Variants in RC3H1 observed in about 807,000 individuals in gnomAD.
RC3H1 encodes the protein roquin-1.
Under a neutral mutation model 138.2 loss-of-function variants are expected in RC3H1, and 50 were observed. The observed-to-expected ratio is 0.36, with a 90% CI of 0.29 to 0.46. The LOEUF is 0.46. RC3H1 is among the 20% of genes least tolerant of loss of function. The probability of loss-of-function intolerance (pLI) is 1.00; values close to 1 mark genes in which losing one functional copy is unlikely to be tolerated. For missense variants in RC3H1, 1,031 were observed against 1,388.1 expected (o/e 0.74, Z 4.09); for synonymous variants, 462 against 489.1 (o/e 0.94, Z 0.73).
At chr1:173,988,586 T>C (rs1661131822) in intron 2 of RC3H1, among the ~76,000 whole-genome samples, 2 of 152,220 alleles carry the variant, frequency 1.3e-5, no homozygotes, top group African/African-American at 4.8e-5. Context: ...TCAAGTTAAC[T>C]GGGTAAATAC....
intron 15 of RC3H1, among the ~76,000 whole-genome samples, chr1:173,947,082 G>A (rs939873497): frequency 2.0e-5 from 3 of 152,102 alleles, no homozygotes; most frequent in Admixed American, 1.3e-4. Flanking sequence ...CCAAATTACT[G>A]TATAATGAGA....
chr1:173,948,424 AT>A (rs1659229645), intron 14 of RC3H1, among the ~76,000 whole-genome samples: 1 of 151,950 alleles, frequency 6.6e-6, no homozygotes, highest in African/African-American at 2.4e-5. Context: ...ATATATATAT[AT>A]ATAATGACCT....
At chr1:173,984,676 A>C in intron 2 of RC3H1, 57 bp from the exon 3 acceptor site, 1 of 1,569,826 alleles carries the variant, frequency 6.4e-7, no homozygotes, top group Admixed American at 1.9e-5. Flanking sequence ...TGTTTTATTT[A>C]GTATAGTTTA....
intron 2 of RC3H1, among the ~76,000 whole-genome samples, chr1:173,985,143 T>C (rs1660972683): frequency 1.3e-5 from 2 of 152,224 alleles, no homozygotes; most frequent in Admixed American, 1.3e-4. Context: ...CAGTACTTCA[T>C]TCATTTTCAT....
At position 173,933,723 on chromosome 1, in the gene RC3H1, T is replaced by C. The variant is rs1658474012; in HGVS notation, c.*4998A>G. On this transcript the variant is annotated 3_prime_UTR_variant, in exon 20 of 20. Coordinates refer to ENST00000367696, the MANE Select transcript of RC3H1 (RefSeq NM_172071.4). ...ATATAAAAATCATAGCTGTCCAAGG[T>C]AGAAAGGTATGAATGTGGATCAGCA... is the stretch of plus-strand genomic sequence containing the variant. 1 of 152,078 alleles carries C rather than the reference T, an allele frequency of 6.6e-6. No homozygotes were observed. The highest frequency in any genetic ancestry group is 1.5e-5 in the Non-Finnish European group (1 of 68,004). 9.4% of individuals were successfully genotyped at this position (152,078 alleles called of 1,614,324 possible).
At chr1:173,946,210 A>C (rs1461506497) in intron 17 of RC3H1, among the ~76,000 whole-genome samples, 1 of 152,046 alleles carries the variant, frequency 6.6e-6, no homozygotes, top group Non-Finnish European at 1.5e-5. Context: ...ACAAACAAAA[A>C]AAACCTTAAA....
intron 7 of RC3H1, among the ~76,000 whole-genome samples, chr1:173,973,878 G>A (rs1264764569): frequency 6.6e-6 from 1 of 152,184 alleles, no homozygotes; most frequent in African/African-American, 2.4e-5. Flanking sequence ...TATTGTTCTA[G>A]TTGTTGGGTA....
chr1:173,992,689 CACACACACACAGAGAG>C, intron 2 of RC3H1, 50 bp downstream of exon 2: 1 of 1,181,148 alleles, frequency 8.5e-7, no homozygotes, highest in African/African-American at 1.6e-5. Context: ...CACACACACA[CACACACACACAGAGAG>C]AGAGAGAGAG....
In RC3H1 at chr1:173,996,187, G is replaced by A. The variant is rs551060011; in HGVS notation, c.-150-3052C>T. Reference sequence around the variant, plus strand: ...TTGGACTGCTTGAACCCGGGAGGGGGAGGTTGCAGTGAGCCGAAATCACGC... The same window carrying A: ...TTGGACTGCTTGAACCCGGGAGGGGAAGGTTGCAGTGAGCCGAAATCACGC... On this transcript the variant is annotated intron_variant, in intron 1 of 19. Transcript: ENST00000367696. Among the ~76,000 whole-genome samples, 7 of 152,248 alleles carry A rather than the reference G, an allele frequency of 4.6e-5. No homozygotes were observed. The South Asian group carries it at 1.4e-3, about 32-fold the overall frequency.
In RC3H1 at chr1:173,950,091, C is replaced by T. The variant is rs546368465; in HGVS notation, c.2523+1895G>A. Among the ~76,000 whole-genome samples the T allele has an allele frequency of 1.0e-3, 157 of 152,088 alleles. 1 individual carries two copies. Among genetic ancestry groups the T allele is most frequent in the African/African-American group, 3.4e-3 (142 of 41,488 alleles). ...GGCTGAGGCAGGAGAATCACTTGAA[C>T]CCAGAATGCAGAGGTTGTAGTGAGC... is the stretch of plus-strand genomic sequence containing the variant. On this transcript the variant is annotated intron_variant, in intron 14 of 19. Transcript: ENST00000367696.
chr1:173,961,217 G>A lies in RC3H1; in HGVS notation c.2230C>T (p.Pro744Ser). Reference protein sequence around the residue: ...REPPYSRLPPPPQPHPSLDEL... With the variant: ...REPPYSRLPPSPQPHPSLDEL... The stretch of plus-strand genomic sequence containing the variant: ...TCTAGACTAGGATGAGGCTGGGGAG[G>A]AGGAGGAAGCCGGCTATAAGGAGGT... Residue 744 changes from proline to serine, a missense_variant, in exon 13 of 20, where the codon CCT becomes TCT. Around this residue, in one of 7 missense-constraint regions of RC3H1, gnomAD observed 716 missense variants for 837.9 expected, o/e 0.85. Coordinates refer to ENST00000367696, the MANE Select transcript of RC3H1 (RefSeq NM_172071.4). The A allele has an allele frequency of 6.2e-7, 1 of 1,613,416 alleles. No homozygotes were observed. Among genetic ancestry groups the A allele is most frequent in the Non-Finnish European group, 8.5e-7 (1 of 1,179,812 alleles).
intron 10 of RC3H1, 149 bp downstream of exon 10, chr1:173,964,690 A>G: frequency 1.3e-6 from 1 of 747,230 alleles, no homozygotes; most frequent in Non-Finnish European, 2.1e-6. Flanking sequence ...CTTAAAAAAC[A>G]CTAGCATGGG....
chr1:173,980,396 G>A (rs1557940742), intron 6 of RC3H1, among the ~76,000 whole-genome samples: 1 of 150,794 alleles, frequency 6.6e-6, no homozygotes, highest in Non-Finnish European at 1.5e-5. Context: ...ACTTCCCTTT[G>A]TCTTTGTCTA....
intron 1 of RC3H1, among the ~76,000 whole-genome samples, chr1:174,000,225 TA>T: frequency 6.6e-6 from 1 of 152,356 alleles, no homozygotes; most frequent in Non-Finnish European, 1.5e-5. Context: ...ACATAGAAAC[TA>T]TTCGAATCTG....
rs773557053 is a variant in RC3H1 at position 173,962,050 on chromosome 1, C to T, written c.1877G>A (p.Arg626Gln). The T allele has an allele frequency of 6.2e-6, 10 of 1,613,678 alleles. No individual in the cohort carries two copies. Among genetic ancestry groups the T allele is most frequent in the Middle Eastern group, 1.6e-4 (1 of 6,062 alleles). The change falls in exon 12 of 20, where the codon CGA (arginine) becomes CAA (glutamine). Residue 626 changes from arginine (R) to glutamine (Q), a missense_variant. Transcript: ENST00000367696. Reference sequence around the variant, plus strand: ...AGGTTCAGGAGCAGATGGTGGAGGTCGGACAAAGCGGGACACACATTGTGG... The same window carrying T: ...AGGTTCAGGAGCAGATGGTGGAGGTTGGACAAAGCGGGACACACATTGTGG... ...PPPQCVSRFV[R>Q]PPPSAPEPAP...
intron 1 of RC3H1, among the ~76,000 whole-genome samples, chr1:173,998,389 C>A (rs931787986): frequency 2.5e-4 from 38 of 152,146 alleles, no homozygotes; most frequent in African/African-American, 8.9e-4. Flanking sequence ...TAAATAAGGA[C>A]ACCTCTCCTA....
At chr1:174,007,513 G>C (rs1032997250) in intron 1 of RC3H1, among the ~76,000 whole-genome samples, 1 of 152,048 alleles carries the variant, frequency 6.6e-6, no homozygotes, top group African/African-American at 2.4e-5. Flanking sequence ...ACCGAGGCTG[G>C]AGTGCAGTGG....
chr1:174,019,081 C>T (rs1440437978), intron 1 of RC3H1, among the ~76,000 whole-genome samples: 1 of 152,074 alleles, frequency 6.6e-6, no homozygotes, highest in Non-Finnish European at 1.5e-5. Flanking sequence ...TTCAAAGGCA[C>T]AATTTAGTAA....
intron 1 of RC3H1, among the ~76,000 whole-genome samples, chr1:174,013,430 ATATTAT>A (rs572168536): frequency 6.6e-6 from 1 of 151,490 alleles, no homozygotes; most frequent in African/African-American, 2.4e-5. Flanking sequence ...ATACAATGGA[ATATTAT>A]TATTATTATA....
Sources: gnomAD v4.1 joint callset for allele counts (sites outside exome capture counted in the v4.1 genomes callset) on GRCh38, gnomAD v4.1.1 for gene constraint, gnomAD v4.1.1 regional missense constraint, MANE v1.5 for transcripts, NCBI Gene and HGNC (gene_info 2026-07-23, HGNC 2026-07-21) for gene names.